PCDH15: variants seen among roughly 807,000 people sequenced by gnomAD.
PCDH15 encodes the protein protocadherin related 15, also known as protocadherin-15.
In PCDH15, 129 loss-of-function variants were observed where a neutral mutation model predicts 178.5. That is an observed-to-expected ratio of 0.72 (90% confidence interval 0.63 to 0.84). The LOEUF is 0.84. Among genes scored for constraint, PCDH15 ranks in the 40% least tolerant of loss-of-function variants. PCDH15 has a pLI of 0.00. For missense variants in PCDH15, 2,230 were observed against 2,099.9 expected (o/e 1.06, Z -1.21); for synonymous variants, 800 against 732.0 (o/e 1.09, Z -1.50).
At chr10:55,045,887 G>A (rs1368680625) in intron 2 of PCDH15, among the ~76,000 whole-genome samples, 3 of 151,644 alleles carry the variant, frequency 2.0e-5, no homozygotes, top group Admixed American at 6.6e-5. Flanking sequence ...CTTTTTCCCC[G>A]ACTTTTCACT....
chr10:54,382,786 C>G (rs1166233033), intron 3 of PCDH15, among the ~76,000 whole-genome samples: 4 of 152,090 alleles, frequency 2.6e-5, no homozygotes, highest in Non-Finnish European at 5.9e-5. Context: ...AAGCAGAGTA[C>G]CTGGCTATGC....
Position 54,098,359 on chromosome 10 carries a change from A to C in PCDH15, c.1918-8296T>G, listed in dbSNP as rs1016144739. ...TATCTTTATTTATAATTATTAAAAAATTTGCTATCACCTTCATGAATATTG... is the reference window on the plus strand; with the variant it reads ...TATCTTTATTTATAATTATTAAAAACTTTGCTATCACCTTCATGAATATTG... On this transcript the variant is annotated intron_variant, in intron 15 of 37. Coordinates refer to ENST00000644397, the MANE Select transcript of PCDH15 (RefSeq NM_001384140.1). Among the ~76,000 whole-genome samples the C allele has an allele frequency of 5.3e-5, 8 of 152,222 alleles. No individual in the cohort carries two copies. The East Asian group carries it at 5.8e-4, about 11-fold the overall frequency.
chr10:55,132,932 T>G (rs1838093040), intron 2 of PCDH15, among the ~76,000 whole-genome samples: 1 of 152,176 alleles, frequency 6.6e-6, no homozygotes, highest in Admixed American at 6.5e-5. Context: ...GTTGTTTCAT[T>G]GGTTACTTGG....
chr10:53,828,003 T>G (rs11003868), intron 31 of PCDH15, among the ~76,000 whole-genome samples: 1 of 151,610 alleles, frequency 6.6e-6, no homozygotes, highest in Non-Finnish European at 1.5e-5. Flanking sequence ...TGTACACACA[T>G]GTACAAGGGA....
chr10:55,307,317 A>T (rs1054838506), intron 1 of PCDH15, among the ~76,000 whole-genome samples: 1 of 151,846 alleles, frequency 6.6e-6, no homozygotes, highest in African/African-American at 2.4e-5. Flanking sequence ...CCTGGCTAAC[A>T]CGTGAAACCC....
At chr10:54,863,645 T>C (rs1953886916) in intron 3 of PCDH15, among the ~76,000 whole-genome samples, 1 of 152,226 alleles carries the variant, frequency 6.6e-6, no homozygotes, top group Non-Finnish European at 1.5e-5. Context: ...TAATAGCTGC[T>C]GTTTATGTTT....
chr10:55,366,139 T>A (rs1294004178), intron 2 of PCDH15: 2 of 152,152 alleles, frequency 1.3e-5, no homozygotes, highest in Non-Finnish European at 2.9e-5. Flanking sequence ...AAATACGGAC[T>A]GCATGCATTT....
intron 2 of PCDH15, among the ~76,000 whole-genome samples, chr10:54,949,807 G>A (rs1838290788): frequency 6.6e-6 from 1 of 151,892 alleles, no homozygotes; most frequent in Non-Finnish European, 1.5e-5. Flanking sequence ...GCCAAATGCT[G>A]CCAGTCTCTT....
chr10:54,394,595 C>G (rs1242023525), intron 3 of PCDH15, among the ~76,000 whole-genome samples: 1 of 152,054 alleles, frequency 6.6e-6, no homozygotes, highest in Admixed American at 6.6e-5. Flanking sequence ...ACCGCAGGAC[C>G]GAGGTGAAAT....
At chr10:55,464,411 T>C (rs1839784246) in intron 2 of PCDH15, among the ~76,000 whole-genome samples, 1 of 150,944 alleles carries the variant, frequency 6.6e-6, no homozygotes, top group African/African-American at 2.4e-5. Context: ...AGGAAAACAA[T>C]GAAAGAAAAA....
At chr10:55,256,765 G>T (rs375744933) in intron 1 of PCDH15, among the ~76,000 whole-genome samples, 2 of 152,210 alleles carry the variant, frequency 1.3e-5, no homozygotes, top group African/African-American at 4.8e-5. Flanking sequence ...GCTCAAGGAG[G>T]CCTGCCAGCC....
intron 2 of PCDH15, among the ~76,000 whole-genome samples, chr10:55,545,705 C>T (rs1322442358): frequency 6.6e-6 from 1 of 152,044 alleles, no homozygotes; most frequent in African/African-American, 2.4e-5. Flanking sequence ...GCCACTGTGC[C>T]CAGCCAAGAT....
At chr10:54,936,906 ATAAT>A (rs1837921303) in intron 2 of PCDH15, among the ~76,000 whole-genome samples, 1 of 151,818 alleles carries the variant, frequency 6.6e-6, no homozygotes, top group African/African-American at 2.4e-5. Context: ...GTCATATTTA[ATAAT>A]TAATCACATA....
At chr10:54,147,026 TACA>T in intron 14 of PCDH15, among the ~76,000 whole-genome samples, 3 of 146,638 alleles carry the variant, frequency 2.0e-5, no homozygotes, top group African/African-American at 4.9e-5. Flanking sequence ...TGTGTATATA[TACA>T]AATATATAAT....
chr10:55,512,120 T>C (rs1210042914), intron 2 of PCDH15, among the ~76,000 whole-genome samples: 1 of 152,102 alleles, frequency 6.6e-6, no homozygotes, highest in African/African-American at 2.4e-5. Context: ...CGAGAGGTAT[T>C]AACTTTACCT....
intron 10 of PCDH15, among the ~76,000 whole-genome samples, chr10:54,208,179 A>C (rs1225046475): frequency 6.6e-6 from 1 of 152,070 alleles, no homozygotes; most frequent in Non-Finnish European, 1.5e-5. Context: ...TCATGGAAAG[A>C]TTGCTATTTC....
intron 2 of PCDH15, among the ~76,000 whole-genome samples, chr10:54,635,384 A>ATG (rs1223869420): frequency 2.7e-5 from 3 of 110,292 alleles, no homozygotes; most frequent in Non-Finnish European, 6.7e-5. Flanking sequence ...CATCTCATAT[A>ATG]TGTATATATA....
intron 8 of PCDH15, among the ~76,000 whole-genome samples, chr10:54,267,076 AT>A (rs1165779082): frequency 6.6e-6 from 1 of 151,900 alleles, no homozygotes; most frequent in Non-Finnish European, 1.5e-5. Flanking sequence ...CAAAAAGATA[AT>A]ACAATATCAA....
At chr10:54,406,605 A>C (rs1192295847) in intron 3 of PCDH15, among the ~76,000 whole-genome samples, 2 of 152,156 alleles carry the variant, frequency 1.3e-5, no homozygotes, top group Admixed American at 1.3e-4. Flanking sequence ...AACAAAGGCA[A>C]AAAACAGAAC....
Sources: gnomAD v4.1 joint callset for allele counts (sites outside exome capture counted in the v4.1 genomes callset) on GRCh38, gnomAD v4.1.1 for gene constraint, MANE v1.5 for transcripts, NCBI Gene and HGNC (gene_info 2026-07-23, HGNC 2026-07-21) for gene names.